PPP2R3C: variants seen among roughly 807,000 people sequenced by gnomAD.
PPP2R3C encodes protein phosphatase 2 regulatory subunit B''gamma, also known as serine/threonine-protein phosphatase 2A regulatory subunit B'' subunit gamma.
PPP2R3C carries 47 observed loss-of-function variants against 63.7 expected under a neutral mutation model. That is an observed-to-expected ratio of 0.74 (90% CI 0.58 to 0.94). The LOEUF is 0.94. Among genes scored for constraint, PPP2R3C ranks in the 40% least tolerant of loss-of-function variants. PPP2R3C has a pLI of 0.00. For synonymous variants in PPP2R3C, 180 were observed against 177.4 expected (o/e 1.01, Z -0.12); for missense variants, 421 against 518.4 (o/e 0.81, Z 1.82).
At chr14:35,097,133 T>C (rs968425427) in intron 7 of PPP2R3C, among the ~76,000 whole-genome samples, 34 of 152,034 alleles carry the variant, frequency 2.2e-4, no homozygotes, top group Non-Finnish European at 4.1e-4. Flanking sequence ...GAGAATCGCT[T>C]GAACCTGGGA....
At chr14:35,094,923 TAGCCTAGGCGACAG>T in intron 10 of PPP2R3C, 111 bp downstream of exon 10, 1 of 1,041,542 alleles carries the variant, frequency 9.6e-7, no homozygotes, top group African/African-American at 1.6e-5. Flanking sequence ...CACTGCACTC[TAGCCTAGGCGACAG>T]AGCAAGACTC....
intron 6 of PPP2R3C, chr14:35,099,615 G>A: frequency 2.4e-6 from 1 of 411,294 alleles, no homozygotes; most frequent in Non-Finnish European, 4.0e-6. Flanking sequence ...CAAAGATATT[G>A]ATTAAAAAGC....
At chr14:35,096,994 A>G (rs917037555) in intron 7 of PPP2R3C, among the ~76,000 whole-genome samples, 2 of 152,162 alleles carry the variant, frequency 1.3e-5, no homozygotes, top group Non-Finnish European at 2.9e-5. Context: ...CAGGTGGATC[A>G]CCTGAGGTCA....
intron 10 of PPP2R3C, among the ~76,000 whole-genome samples, chr14:35,094,731 A>ATC (rs1566687698): frequency 1.3e-5 from 2 of 152,130 alleles, no homozygotes; most frequent in Non-Finnish European, 2.9e-5. Flanking sequence ...TGGGAGGCAG[A>ATC]TCACCTGAGG....
intron 2 of PPP2R3C, among the ~76,000 whole-genome samples, chr14:35,111,982 C>G (rs780989583): frequency 1.3e-4 from 20 of 152,212 alleles, no homozygotes; most frequent in Middle Eastern, 6.3e-3. Context: ...CTTGCAATTC[C>G]CATCTTGATA....
chr14:35,120,948 A>G (rs1364707943), intron 1 of PPP2R3C, among the ~76,000 whole-genome samples: 1 of 150,016 alleles, frequency 6.7e-6, no homozygotes, highest in East Asian at 2.0e-4. Flanking sequence ...CCTGTATCGG[A>G]AAAAAAAAAG....
At chr14:35,092,528 G>A (rs940431972) in intron 10 of PPP2R3C, among the ~76,000 whole-genome samples, 9 of 151,952 alleles carry the variant, frequency 5.9e-5, no homozygotes, top group South Asian at 2.1e-4. Context: ...GTGCAATGGC[G>A]CGATCCTGGC....
intron 1 of PPP2R3C, 134 bp downstream of exon 1, chr14:35,121,768 C>T: frequency 3.0e-6 from 3 of 1,000,044 alleles, no homozygotes; most frequent in Non-Finnish European, 3.0e-6. Context: ...CCACATTCCA[C>T]TCCGCCTCCT....
rs1353516413 is a variant in PPP2R3C at position 35,085,481 on chromosome 14, T to C, written c.*109A>G. The C allele has an allele frequency of 3.0e-6, 3 of 993,688 alleles. No homozygotes were observed. The highest frequency in any genetic ancestry group is 4.3e-5 in the South Asian group (2 of 46,716). The allele number at this position is 993,688 out of a possible 1,614,324, so 61.6% of individuals were successfully genotyped here. ...TAACCAAAACATTTGCTGTGTTCTC[T>C]AGGCATATCAAGTGTTTTATTTAGA... On this transcript the variant is annotated 3_prime_UTR_variant, in exon 13 of 13. Transcript: ENST00000261475.
At chr14:35,094,130 A>T (rs1003696930) in intron 10 of PPP2R3C, among the ~76,000 whole-genome samples, 47 of 152,170 alleles carry the variant, frequency 3.1e-4, no homozygotes, top group Non-Finnish European at 4.4e-5. Flanking sequence ...TGGTAATTTA[A>T]TGACGGAACT....
intron 6 of PPP2R3C, among the ~76,000 whole-genome samples, chr14:35,105,063 C>T (rs558378805): frequency 1.2e-4 from 18 of 150,188 alleles, no homozygotes; most frequent in Non-Finnish European, 1.6e-4. Flanking sequence ...AAAAAAAAAG[C>T]GGGGGGGTGG....
At chr14:35,095,605 TGAG>T (rs1459610322) in intron 9 of PPP2R3C, among the ~76,000 whole-genome samples, 1 of 149,962 alleles carries the variant, frequency 6.7e-6, no homozygotes, top group Non-Finnish European at 1.5e-5. Context: ...TTTGGGAGGC[TGAG>T]GAGGGCAGAT....
chr14:35,114,991 C>G (rs1410422341), intron 2 of PPP2R3C, among the ~76,000 whole-genome samples: 1 of 150,724 alleles, frequency 6.6e-6, no homozygotes, highest in East Asian at 1.9e-4. Context: ...GAGACTCCAT[C>G]TCAAAAAAAA....
rs770552212 is a variant in PPP2R3C, at chr14:35,095,108, G to T, written c.915C>A (p.Thr305=). 20 of 1,609,504 alleles carry T rather than the reference G, an allele frequency of 1.2e-5. No homozygotes were observed. Among genetic ancestry groups the T allele is most frequent in the Middle Eastern group, 1.6e-4 (1 of 6,076 alleles). ...KEELSRYGTA[T]MTNVFLDRVF... is the part of the protein sequence containing the mutation. ...CACGGTCTAAGAAGACATTGGTCAT[G>T]GTAGCTGTTCCATAGCGTGAGAGTT... Residue 305 remains threonine (T), a synonymous_variant, in exon 10 of 13, where the codon ACC becomes ACA. Coordinates refer to ENST00000261475, the MANE Select transcript of PPP2R3C (RefSeq NM_017917.4).
rs1403613939 is a variant in PPP2R3C at position 35,099,288 on chromosome 14, T to A, written c.670A>T (p.Arg224Trp). Residue 224 changes from arginine (R) to tryptophan (W), a missense_variant, in exon 7 of 13, where the codon AGG (arginine) becomes TGG (tryptophan). Physicochemically the swap from Arg to Trp is moderately radical, Grantham distance 101. This residue lies in a region of PPP2R3C where 231 missense variants were observed against 264.8 expected (regional missense o/e 0.87). Coordinates refer to ENST00000261475, the MANE Select transcript of PPP2R3C (RefSeq NM_017917.4). ...FYSFYVCTAVRKFFFFLDPLR... is the reference protein window; with the variant it reads ...FYSFYVCTAVWKFFFFLDPLR... ...GGATCTAAAAAGAAGAAGAACTTCC[T>A]AACTGCTGTACAAACATAAAAGGAG... The A allele has an allele frequency of 1.9e-6, 3 of 1,598,108 alleles. No individual in the cohort carries two copies. Among genetic ancestry groups the A allele is most frequent in the Non-Finnish European group, 2.6e-6 (3 of 1,176,226 alleles).
intron 6 of PPP2R3C, chr14:35,102,013 C>G (rs2046207393): frequency 6.7e-6 from 1 of 148,942 alleles, no homozygotes; most frequent in African/African-American, 2.5e-5. Flanking sequence ...AAAAGCCTTC[C>G]ATGGTTTCTC....
At chr14:35,085,927 T>C (rs8011549) in intron 12 of PPP2R3C, 149 bp from the exon 13 acceptor site, 91,886 of 640,898 alleles carry the variant, frequency 0.14, 7,460 homozygotes, top group Middle Eastern at 0.22. Context: ...TTTTTTGTTC[T>C]ACTTTTTTTC....
intron 6 of PPP2R3C, chr14:35,099,689 C>T (rs2046121250): frequency 4.2e-6 from 1 of 238,028 alleles, no homozygotes; most frequent in Non-Finnish European, 7.9e-6. Flanking sequence ...GATGCAGCTT[C>T]CCAAAGGTAA....
In PPP2R3C at chr14:35,091,419, T is replaced by C. The variant is rs564050249; in HGVS notation, c.976-212A>G. Among the ~76,000 whole-genome samples the C allele has an allele frequency of 3.3e-3, 496 of 152,002 alleles. 3 individuals are homozygous for C. Among genetic ancestry groups the C allele is most frequent in the Non-Finnish European group, 6.1e-3 (414 of 67,934 alleles). On this transcript the variant is annotated intron_variant, in intron 10 of 12. Transcript: ENST00000261475. ...TTCACTCTCATTGCCCAGGCTGGAG[T>C]TGCAATGGCACAATCTTGGCTCACC... is the stretch of plus-strand genomic sequence containing the variant.
Sources: allele counts gnomAD v4.1 joint callset (sites outside exome capture counted in the v4.1 genomes callset), GRCh38; gene constraint gnomAD v4.1.1; regional missense constraint gnomAD v4.1.1; transcripts MANE v1.5; gene names NCBI Gene and HGNC (gene_info 2026-07-23, HGNC 2026-07-21).